GSN: variants seen among roughly 807,000 people sequenced by gnomAD.
GSN encodes the protein gelsolin, also known as actin-depolymerizing factor.
Under a neutral mutation model 85.7 loss-of-function variants are expected in GSN, and 56 were observed. The observed-to-expected ratio is 0.65, with a 90% CI of 0.53 to 0.82. The LOEUF is 0.82. GSN is among the 40% of genes least tolerant of loss of function. The pLI is 0.00. For synonymous variants in GSN, 373 were observed against 399.1 expected (o/e 0.93, Z 0.78); for missense variants, 857 against 979.8 (o/e 0.87, Z 1.67).
At chr9:121,262,292 C>G (rs1349887287) in intron 6 of GSN, among the ~76,000 whole-genome samples, 1 of 152,168 alleles carries the variant, frequency 6.6e-6, no homozygotes, top group African/African-American at 2.4e-5. Context: ...ATTCAAATCC[C>G]AGCTCTACCA....
intron 2 of GSN, chr9:121,283,482 G>C (rs1156229980): frequency 6.5e-6 from 1 of 155,010 alleles, no homozygotes; most frequent in Non-Finnish European, 1.5e-5. Flanking sequence ...GTTTTTAGTA[G>C]AGACAGGGTT....
intron 1 of GSN, among the ~76,000 whole-genome samples, chr9:121,279,484 AG>A (rs1378786094): frequency 6.6e-6 from 1 of 151,760 alleles, no homozygotes; most frequent in African/African-American, 2.4e-5. Flanking sequence ...GGTGGGGAGA[AG>A]GGGGGACACT....
intron 1 of GSN, among the ~76,000 whole-genome samples, chr9:121,208,844 G>A (rs12235220): frequency 0.081 from 12,334 of 152,224 alleles, 1,184 homozygotes; most frequent in African/African-American, 0.22. Flanking sequence ...TAAAAGGGGG[G>A]CAGGTGTTAG....
At chr9:121,214,269 CTCTT>C (rs1050386495) in intron 4 of GSN, among the ~76,000 whole-genome samples, 22 of 150,344 alleles carry the variant, frequency 1.5e-4, no homozygotes, top group Admixed American at 1.1e-3. Flanking sequence ...TTCTTTTTCT[CTCTT>C]TCTCTCCTCC....
In GSN at chr9:121,303,023, G is replaced by T. The variant is rs752380492; in HGVS notation, c.309G>T (p.Ser103=). The T allele has an allele frequency of 6.2e-7, 1 of 1,613,864 alleles. No homozygotes were observed. Among genetic ancestry groups the T allele is most frequent in the East Asian group, 2.2e-5 (1 of 44,882 alleles). ...VQHREVQGFE[S]ATFLGYFKSG... ...ACCGTGAGGTCCAGGGCTTCGAGTC[G>T]GCCACCTTCCTAGGCTACTTCAAGT... The change falls in exon 4 of 18, where the codon TCG becomes TCT. Residue 103 remains serine (S), a synonymous_variant. Coordinates refer to ENST00000432226, the MANE Select transcript of GSN (RefSeq NM_198252.3).
chr9:121,255,809 C>A (rs1040473244), intron 6 of GSN, among the ~76,000 whole-genome samples: 1 of 152,066 alleles, frequency 6.6e-6, no homozygotes, highest in African/African-American at 2.4e-5. Flanking sequence ...TGCCATTTTG[C>A]CCATTTGAGT....
chr9:121,226,939 G>A (rs1341638132), intron 4 of GSN, among the ~76,000 whole-genome samples: 1 of 152,170 alleles, frequency 6.6e-6, no homozygotes, highest in Non-Finnish European at 1.5e-5. Flanking sequence ...GAAGTATGAG[G>A]TTCAGTGAGC....
chr9:121,221,722 C>T (rs566805223), intron 4 of GSN, among the ~76,000 whole-genome samples: 39 of 152,260 alleles, frequency 2.6e-4, no homozygotes, highest in Non-Finnish European at 3.2e-4. Flanking sequence ...TCTTCCAGGG[C>T]TGACATTCTC....
chr9:121,209,723 A>G (rs1299502153), intron 2 of GSN, among the ~76,000 whole-genome samples: 2 of 152,352 alleles, frequency 1.3e-5, no homozygotes, highest in East Asian at 1.9e-4. Flanking sequence ...TAGGGAATAA[A>G]CACTCAGGAA....
At chr9:121,292,923 G>A (rs982698967) in intron 2 of GSN, among the ~76,000 whole-genome samples, 6 of 152,078 alleles carry the variant, frequency 3.9e-5, no homozygotes, top group South Asian at 2.1e-4. Flanking sequence ...TCATTTAATC[G>A]TCTCAACTAG....
At chr9:121,324,419 T>A in intron 11 of GSN, 135 bp from the exon 12 acceptor site, 1 of 677,370 alleles carries the variant, frequency 1.5e-6, no homozygotes. Context: ...CTCGTTGTTC[T>A]GAAAGAGTCC....
chr9:121,290,302 T>C (rs2058563858), intron 2 of GSN, among the ~76,000 whole-genome samples: 1 of 152,194 alleles, frequency 6.6e-6, no homozygotes, highest in Non-Finnish European at 1.5e-5. Flanking sequence ...TTTTAGGTGC[T>C]GGATCTTGTT....
At chr9:121,331,051 GGCAGCTCCTGC>G (rs1368909091) in intron 16 of GSN, among the ~76,000 whole-genome samples, 7 of 152,130 alleles carry the variant, frequency 4.6e-5, no homozygotes, top group Admixed American at 4.6e-4. Flanking sequence ...ATCTCAAAGG[GGCAGCTCCTGC>G]GCAGCTTGAC....
At chr9:121,288,022 G>C (rs981108652) in intron 2 of GSN, among the ~76,000 whole-genome samples, 2 of 152,082 alleles carry the variant, frequency 1.3e-5, no homozygotes, top group African/African-American at 4.8e-5. Context: ...AACTTCCTGG[G>C]CTCAAGCGAT....
rs749593959 is a variant in GSN at position 121,299,875 on chromosome 9, G to T, written c.-9-2088G>T. The T allele has an allele frequency of 1.5e-5, 20 of 1,326,022 alleles. No homozygotes were observed. The South Asian group carries it at 3.0e-4, about 20-fold the overall frequency. The allele number at this position is 1,326,022 out of a possible 1,614,324, so 82.1% of individuals were successfully genotyped here. A position where few individuals can be genotyped will look rare whatever the true frequency, so the allele number is the denominator to read the frequency against. On this transcript the variant is annotated intron_variant, in intron 2 of 17. Transcript: ENST00000432226. The surrounding 1 kb of genome is among the most constrained non-coding windows in gnomAD (Gnocchi z 4.2). ...GCTGTCGCCACCATGGCTCCGCACC[G>T]CCCCGCGCCCGCGCTGCTTTGCGCG...
upstream of GSN, chr9:121,203,530 C>T (rs146038211): frequency 6.6e-6 from 1 of 152,444 alleles, no homozygotes; most frequent in East Asian, 1.9e-4. Flanking sequence ...TAAGGTGGCC[C>T]TGCCTTAGTT....
chr9:121,212,603 G>C (rs780762422), intron 4 of GSN, among the ~76,000 whole-genome samples: 35 of 151,070 alleles, frequency 2.3e-4, no homozygotes, highest in Non-Finnish European at 8.8e-5. Flanking sequence ...TAATTTTAAA[G>C]CATTTTTTAT....
chr9:121,317,022 G>A, intron 7 of GSN, 64 bp from the exon 8 acceptor site: 2 of 1,609,706 alleles, frequency 1.2e-6, no homozygotes, highest in South Asian at 2.2e-5. Flanking sequence ...CAAGATGGTG[G>A]AAGTCTCAGG....
chr9:121,276,507 G>T (rs1277772643), intron 1 of GSN, among the ~76,000 whole-genome samples: 2 of 152,188 alleles, frequency 1.3e-5, no homozygotes, highest in Non-Finnish European at 1.5e-5. Context: ...AGAGACTTTG[G>T]TGTGACTGTG....
Sources: gnomAD v4.1 joint callset for allele counts (sites outside exome capture counted in the v4.1 genomes callset) on GRCh38, gnomAD v4.1.1 for gene constraint, Gnocchi (gnomAD v3.1) non-coding constraint, MANE v1.5 for transcripts, NCBI Gene and HGNC (gene_info 2026-07-23, HGNC 2026-07-21) for gene names.